PCDHA3: variants seen among roughly 807,000 people sequenced by gnomAD.
PCDHA3 encodes the protein protocadherin alpha 3.
In PCDHA3, 41 loss-of-function variants were observed where a neutral mutation model predicts 62.2. That is an observed-to-expected ratio of 0.66 (90% CI 0.51 to 0.86). The LOEUF (loss-of-function observed/expected upper bound fraction) is 0.86. Among genes scored for constraint, PCDHA3 ranks in the 40% least tolerant of loss-of-function variants. PCDHA3 has a pLI of 0.00. For synonymous variants in PCDHA3, 640 were observed against 555.4 expected (o/e 1.15, Z -2.14); for missense variants, 1,304 against 1,241.2 (o/e 1.05, Z -0.76).
intron 1 of PCDHA3, 123 bp downstream of exon 1, chr5:140,803,714 AGTTTTGTG>A (rs1413434570): frequency 1.9e-5 from 28 of 1,505,640 alleles, no homozygotes; most frequent in Non-Finnish European, 2.3e-5. Flanking sequence ...AGACTTTTCC[AGTTTTGTG>A]GTTTTGTGGT....
rs1554129359 is a variant in PCDHA3, at chr5:140,823,461, G to T, written c.2394+19870G>T. The T allele has an allele frequency of 2.5e-6, 4 of 1,613,324 alleles. No homozygotes were observed. The African/African-American group carries it at 4.0e-5, about 16-fold the overall frequency. ...TGCTGGACGAGAACGACAACGCGCC[G>T]GCGCTGCTGGTGCCTCGAGTGGGTG... is the stretch of plus-strand genomic sequence containing the variant. On this transcript the variant is annotated intron_variant, in intron 1 of 3. Transcript: ENST00000522353.
At chr5:141,003,968 G>A (rs1262948428) in intron 3 of PCDHA3, among the ~76,000 whole-genome samples, 1 of 152,148 alleles carries the variant, frequency 6.6e-6, no homozygotes, top group Non-Finnish European at 1.5e-5. Flanking sequence ...GGAGCATAAG[G>A]GAGGGGACTT....
At chr5:140,808,711 T>G (rs1554124712) in intron 1 of PCDHA3, 2 of 1,611,994 alleles carry the variant, frequency 1.2e-6, no homozygotes, top group African/African-American at 1.3e-5. Flanking sequence ...CGAGCTACGT[T>G]TCGGTGCATG....
Position 140,885,566 on chromosome 5 carries a change from G to A in PCDHA3, c.2394+81975G>A, listed in dbSNP as rs190303990. On this transcript the variant is annotated intron_variant, in intron 1 of 3. Transcript: ENST00000522353. The stretch of plus-strand genomic sequence containing the variant: ...TGGTGTTATTTCTACGAAATTGATT[G>A]TCAGATGTGGAATTGATGCATCAAA... Among the ~76,000 whole-genome samples, 467 of 152,160 alleles carry A rather than the reference G, an allele frequency of 3.1e-3. 3 individuals carry two copies. The highest frequency in any genetic ancestry group is 0.014 in the Middle Eastern group (4 of 294).
chr5:140,876,568 G>A (rs1302204057), intron 1 of PCDHA3: 1 of 1,614,046 alleles, frequency 6.2e-7, no homozygotes, highest in African/African-American at 1.3e-5. Context: ...TGCTCAGGTG[G>A]GTACCGTCAT....
At chr5:140,879,375 C>T (rs2057967921) in intron 1 of PCDHA3, among the ~76,000 whole-genome samples, 1 of 152,076 alleles carries the variant, frequency 6.6e-6, no homozygotes, top group Non-Finnish European at 1.5e-5. Context: ...ACCTGCAGAA[C>T]AAGGTTGGAG....
chr5:141,003,560 G>T (rs1011065385), intron 3 of PCDHA3, among the ~76,000 whole-genome samples: 1 of 152,062 alleles, frequency 6.6e-6, no homozygotes, highest in Non-Finnish European at 1.5e-5. Context: ...TGATCCACCT[G>T]CCTCAGACTC....
chr5:140,952,512 C>T (rs1381568463), intron 1 of PCDHA3, among the ~76,000 whole-genome samples: 1 of 152,124 alleles, frequency 6.6e-6, no homozygotes, highest in Non-Finnish European at 1.5e-5. Flanking sequence ...TCCTCATCTC[C>T]ATCTGAGACC....
intron 1 of PCDHA3, among the ~76,000 whole-genome samples, chr5:140,966,049 A>AC (rs2095962296): frequency 6.6e-6 from 1 of 152,102 alleles, no homozygotes; most frequent in African/African-American, 2.4e-5. Context: ...ATCGCCAGTA[A>AC]CCCCAGAGCG....
intron 1 of PCDHA3, chr5:140,853,957 G>T: frequency 2.7e-6 from 2 of 736,982 alleles, no homozygotes; most frequent in Non-Finnish European, 3.4e-6. Context: ...TCCCTTCCTT[G>T]AGCCCAGCAG....
At chr5:140,835,997 C>G (rs2150249894) in intron 1 of PCDHA3, 18 of 1,613,302 alleles carry the variant, frequency 1.1e-5, no homozygotes, top group East Asian at 4.5e-5. Context: ...TGAGCGCGCG[C>G]GATGCGGGCG....
At chr5:140,967,849 T>C in intron 1 of PCDHA3, 1 of 1,614,116 alleles carries the variant, frequency 6.2e-7, no homozygotes, top group Non-Finnish European at 8.5e-7. Flanking sequence ...TGAATGACAA[T>C]GCCCCAGAGG....
chr5:140,802,343 T>C lies in PCDHA3; in HGVS notation c.1146T>C (p.Asn382=), dbSNP rs925654009. 1.9e-6 allele frequency: 3 copies of C among 1,614,226 alleles called. No individual in the cohort carries two copies. The highest frequency in any genetic ancestry group is 2.5e-6 in the Non-Finnish European group (3 of 1,180,034). Residue 382 remains asparagine (N), a synonymous_variant, in exon 1 of 4, where the codon AAT becomes AAC. Transcript: ENST00000522353. ...TGTCCGACCGCGACTCAGGAGTCAA[T>C]GGACAGGTCACCTGCTCGCTGACGC... ...ISVSDRDSGV[N]GQVTCSLTPH...
chr5:140,822,877 A>G (rs1554128927), intron 1 of PCDHA3: 3 of 1,614,078 alleles, frequency 1.9e-6, no homozygotes, highest in African/African-American at 1.3e-5. Flanking sequence ...CAGCACGGTC[A>G]TTGCTCTGAT....
chr5:140,877,649 C>T (rs369703340), intron 1 of PCDHA3: 4 of 1,613,556 alleles, frequency 2.5e-6, no homozygotes, highest in Middle Eastern at 1.7e-4. Context: ...TGCTCAGCGC[C>T]GCCCACCGTG....
At chr5:140,829,429 C>T (rs1770296040) in intron 1 of PCDHA3, 2 of 1,614,010 alleles carry the variant, frequency 1.2e-6, no homozygotes, top group South Asian at 1.1e-5. Flanking sequence ...TGGAGGTGGC[C>T]GACATGAATG....
intron 1 of PCDHA3, chr5:140,825,445 T>C (rs1389110393): frequency 1.3e-5 from 2 of 148,158 alleles, no homozygotes; most frequent in Non-Finnish European, 3.0e-5. Context: ...AATAATAATA[T>C]ATATCAGATA....
chr5:140,810,999 T>C (rs1198881016), intron 1 of PCDHA3: 1 of 152,200 alleles, frequency 6.6e-6, no homozygotes, highest in African/African-American at 2.4e-5. Flanking sequence ...AGATTTATTT[T>C]TATTTCTTCT....
chr5:140,906,327 A>G (rs1240461628), intron 1 of PCDHA3, among the ~76,000 whole-genome samples: 2 of 152,322 alleles, frequency 1.3e-5, no homozygotes, highest in African/African-American at 4.8e-5. Flanking sequence ...TGATACAACT[A>G]TCCTTCATAC....
Sources: gnomAD v4.1 joint callset for allele counts (sites outside exome capture counted in the v4.1 genomes callset) on GRCh38, gnomAD v4.1.1 for gene constraint, MANE v1.5 for transcripts, NCBI Gene and HGNC (gene_info 2026-07-23, HGNC 2026-07-21) for gene names.